The following RNF216 variants were observed in gnomAD, a reference collection of about 807,000 sequenced individuals.
RNF216 encodes the protein ring finger protein 216.
Under a neutral mutation model 110.8 loss-of-function variants are expected in RNF216, and 72 were observed. The observed-to-expected ratio is 0.65, with a 90% CI of 0.54 to 0.79. The LOEUF (loss-of-function observed/expected upper bound fraction) is 0.79. Among genes scored for constraint, RNF216 ranks in the 30% least tolerant of loss-of-function variants. RNF216 has a pLI of 0.00. For synonymous variants in RNF216, 495 were observed against 407.5 expected (o/e 1.21, Z -2.59); for missense variants, 1,342 against 1,141.2 (o/e 1.18, Z -2.54).
At chr7:5,663,143 G>A (rs147686054) in intron 13 of RNF216, among the ~76,000 whole-genome samples, 89 of 152,254 alleles carry the variant, frequency 5.8e-4, no homozygotes, top group African/African-American at 2.1e-3. Context: ...CTTATGCGTT[G>A]TTACTGCACT....
chr7:5,673,859 A>AT (rs756283994), intron 13 of RNF216, among the ~76,000 whole-genome samples: 64,824 of 121,506 alleles, frequency 0.53, 18,116 homozygotes, highest in East Asian at 0.83. Flanking sequence ...TCTTTCTCTC[A>AT]TTTTTTTTTT....
At position 5,620,201 on chromosome 7, in the gene RNF216, A is replaced by G. The variant is rs1786265996; in HGVS notation, c.*2659T>C. 1 of 152,280 alleles carries G rather than the reference A, an allele frequency of 6.6e-6. No homozygotes were observed. The highest frequency in any genetic ancestry group is 1.5e-5 in the Non-Finnish European group (1 of 68,048). The allele number at this position is 152,280 out of a possible 1,614,324, so 9.4% of individuals were successfully genotyped here. A position where few individuals can be genotyped will look rare whatever the true frequency, so the allele number is the denominator to read the frequency against. ...AACTAATCGTTTCTTGTTTTTATACAAAGTGACAGATCATGCACATTTTTT... is the reference window on the plus strand; with the variant it reads ...AACTAATCGTTTCTTGTTTTTATACGAAGTGACAGATCATGCACATTTTTT... On this transcript the variant is annotated 3_prime_UTR_variant, in exon 17 of 17. Transcript: ENST00000389902.
chr7:5,673,082 C>T (rs1369314329), intron 13 of RNF216, among the ~76,000 whole-genome samples: 8 of 152,078 alleles, frequency 5.3e-5, no homozygotes, highest in East Asian at 3.9e-4. Flanking sequence ...CCTATGTGCA[C>T]GGTGTGGGCA....
At chr7:5,677,474 A>C (rs983368281) in intron 13 of RNF216, among the ~76,000 whole-genome samples, 4 of 152,258 alleles carry the variant, frequency 2.6e-5, no homozygotes, top group Admixed American at 6.5e-5. Context: ...AGAAAAAATG[A>C]AATAAAAGAT....
chr7:5,745,511 A>C (rs1238953656), intron 3 of RNF216, among the ~76,000 whole-genome samples: 2 of 152,234 alleles, frequency 1.3e-5, no homozygotes, highest in African/African-American at 4.8e-5. Context: ...AAAATTGGAA[A>C]GACAGATCAG....
intron 13 of RNF216, among the ~76,000 whole-genome samples, chr7:5,673,026 A>T (rs1413386093): frequency 6.6e-6 from 1 of 152,188 alleles, no homozygotes; most frequent in Non-Finnish European, 1.5e-5. Context: ...GACACGGGGC[A>T]GGGGCAGGGT....
chr7:5,705,824 T>C (rs527717152), intron 13 of RNF216, among the ~76,000 whole-genome samples: 2 of 151,800 alleles, frequency 1.3e-5, no homozygotes, highest in South Asian at 4.2e-4. Flanking sequence ...GGAGAATTGC[T>C]TGAACCTGGG....
chr7:5,663,985 G>A (rs1450757359), intron 13 of RNF216, among the ~76,000 whole-genome samples: 1 of 152,174 alleles, frequency 6.6e-6, no homozygotes, highest in Non-Finnish European at 1.5e-5. Context: ...ATGCGATGGA[G>A]ATGAAGCCTG....
At chr7:5,724,374 G>A (rs1793624706) in intron 8 of RNF216, among the ~76,000 whole-genome samples, 1 of 152,206 alleles carries the variant, frequency 6.6e-6, no homozygotes, top group African/African-American at 2.4e-5. Context: ...GACCAACAAG[G>A]AAGTCAACTA....
chr7:5,768,346 T>TACACACTCACACACACACAC (rs1796314933), intron 1 of RNF216, among the ~76,000 whole-genome samples: 1 of 71,886 alleles, frequency 1.4e-5, no homozygotes, highest in Non-Finnish European at 2.7e-5. Flanking sequence ...GGCAGGCAAA[T>TACACACTCACACACACACAC]ACACACACAC....
chr7:5,623,397 C>T (rs1249705201), intron 16 of RNF216, among the ~76,000 whole-genome samples: 2 of 152,048 alleles, frequency 1.3e-5, no homozygotes, highest in Non-Finnish European at 2.9e-5. Flanking sequence ...GAAGGTGGCA[C>T]GTCCACCCAC....
At chr7:5,658,710 T>C (rs1240953802) in intron 13 of RNF216, among the ~76,000 whole-genome samples, 8 of 152,048 alleles carry the variant, frequency 5.3e-5, no homozygotes, top group African/African-American at 1.2e-4. Context: ...CAGTATATTT[T>C]AAAGTATGAT....
Position 5,746,679 on chromosome 7 carries a change from C to T in RNF216, c.202-4864G>A, listed in dbSNP as rs189559130. Among the ~76,000 whole-genome samples, 87 of 152,284 alleles carry T rather than the reference C, an allele frequency of 5.7e-4. 1 individual carries two copies. The highest frequency in any genetic ancestry group is 2.0e-3 in the African/African-American group (83 of 41,556). On this transcript the variant is annotated intron_variant, in intron 3 of 16. Coordinates refer to ENST00000389902, the MANE Select transcript of RNF216 (RefSeq NM_207111.4). ...AAGGTCCAACATAAAAACAGCATCC[C>T]TAATTTCTAAAAATTGGAGTACTCT...
chr7:5,755,157 GAGAAAGGAA>G (rs1398680050), intron 2 of RNF216, among the ~76,000 whole-genome samples: 1 of 143,928 alleles, frequency 6.9e-6, no homozygotes, highest in African/African-American at 2.5e-5. Context: ...AAGAAGGAAG[GAGAAAGGAA>G]GGAAAGAGAG....
rs746865554 is a variant in RNF216 at position 5,622,939 on chromosome 7, T to C, written c.2693A>G (p.Tyr898Cys). The change falls in exon 17 of 17, where the codon TAT (tyrosine) becomes TGT (cysteine). Residue 898 changes from tyrosine to cysteine, a missense_variant. Coordinates refer to ENST00000389902, the MANE Select transcript of RNF216 (RefSeq NM_207111.4). ...VPPLPNVRVN[Y>C]DFGPIHMPLE... The stretch of plus-strand genomic sequence containing the variant: ...GGGCATGTGGATGGGACCGAAGTCA[T>C]AGTTGACCCGCACGTTGGGCAGAGG... 4.3e-6 allele frequency: 7 copies of C among 1,613,806 alleles called. No individual in the cohort carries two copies. The highest frequency in any genetic ancestry group is 1.3e-5 in the African/African-American group (1 of 75,004).
rs182903580 is a variant in RNF216, at chr7:5,738,630, C to T, written c.1121+646G>A. Among the ~76,000 whole-genome samples, 557 of 142,374 alleles carry T rather than the reference C, an allele frequency of 3.9e-3. 3 individuals carry two copies. The highest frequency in any genetic ancestry group is 0.014 in the African/African-American group (539 of 38,112). 93.4% of individuals were successfully genotyped at this position (142,374 alleles called of 152,430 possible). A position where few individuals can be genotyped will look rare whatever the true frequency, so the allele number is the denominator to read the frequency against. On this transcript the variant is annotated intron_variant, in intron 5 of 16. Coordinates refer to ENST00000389902, the MANE Select transcript of RNF216 (RefSeq NM_207111.4). ...GGCTGAGGCAGGAGAATGGCCTGAA[C>T]CTGGGAGGCGGAGCTTGCAGTGAGC...
chr7:5,659,534 A>G (rs142681659), intron 13 of RNF216, among the ~76,000 whole-genome samples: 19 of 152,334 alleles, frequency 1.2e-4, no homozygotes, highest in African/African-American at 2.2e-4. Context: ...GGCTATAGGA[A>G]GGAGTTTGGA....
chr7:5,685,470 T>C (rs1026182578), intron 13 of RNF216, among the ~76,000 whole-genome samples: 3 of 152,156 alleles, frequency 2.0e-5, no homozygotes, highest in Admixed American at 2.0e-4. Flanking sequence ...TCTGTTACTT[T>C]CCAAGACACT....
At chr7:5,670,985 G>A (rs1159490438) in intron 13 of RNF216, among the ~76,000 whole-genome samples, 2 of 152,090 alleles carry the variant, frequency 1.3e-5, no homozygotes, top group Non-Finnish European at 2.9e-5. Context: ...GCTTGGTTCC[G>A]GGGGAGCTGC....
Sources: allele counts gnomAD v4.1 joint callset (sites outside exome capture counted in the v4.1 genomes callset), GRCh38; gene constraint gnomAD v4.1.1; transcripts MANE v1.5; gene names NCBI Gene and HGNC (gene_info 2026-07-23, HGNC 2026-07-21).